The following PTPRF variants were observed in gnomAD, a reference collection of about 807,000 sequenced individuals.
The protein encoded by PTPRF is receptor-type tyrosine-protein phosphatase F.
A neutral mutation model predicts 201.8 loss-of-function variants in PTPRF; 59 were observed. The ratio of observed to expected loss-of-function variants is 0.29; its 90% CI spans 0.24 to 0.36. The LOEUF is 0.36. PTPRF is among the 10% of genes least tolerant of loss of function. The probability of loss-of-function intolerance (pLI) is 1.00; values close to 1 mark genes in which losing one functional copy is unlikely to be tolerated. For missense variants in PTPRF, 2,132 were observed against 2,690.5 expected, an observed-to-expected ratio of 0.79 and a Z score of 4.59; for synonymous variants, 1,088 against 1,089.7, an observed-to-expected ratio of 1.00 and a Z score of 0.03.
At chr1:43,529,961 A>T (rs996185573), upstream of PTPRF, among the ~76,000 whole-genome samples, 2 of 152,054 alleles carry the variant, frequency 1.3e-5, no homozygotes, top group African/African-American at 4.8e-5. Flanking sequence ...ATATTGGGGT[A>T]TTAGTCAGTC....
intron 7 of PTPRF, among the ~76,000 whole-genome samples, chr1:43,587,213 G>A (rs191411579): frequency 6.6e-6 from 1 of 152,328 alleles, no homozygotes; most frequent in East Asian, 1.9e-4. Context: ...TGTTAAACAG[G>A]GAGTGGCATC....
At chr1:43,561,236 G>A (rs1393716776) in intron 5 of PTPRF, among the ~76,000 whole-genome samples, 1 of 152,208 alleles carries the variant, frequency 6.6e-6, no homozygotes, top group Non-Finnish European at 1.5e-5. Flanking sequence ...GGCTGGAACT[G>A]GAGCAGAGCT....
intron 6 of PTPRF, chr1:43,575,824 T>G (rs1646888552): frequency 1.6e-6 from 2 of 1,216,722 alleles, no homozygotes; most frequent in Admixed American, 4.6e-5. Context: ...GTGTTTTATT[T>G]TACCTGATTT....
intron 8 of PTPRF, among the ~76,000 whole-genome samples, chr1:43,590,755 C>T (rs998605716): frequency 1.3e-5 from 2 of 152,244 alleles, no homozygotes; most frequent in Admixed American, 1.3e-4. Flanking sequence ...CTAAATGACC[C>T]AAGGCCCTGG....
intron 17 of PTPRF, 81 bp from the exon 18 acceptor site, chr1:43,605,109 G>T: frequency 6.3e-7 from 1 of 1,575,324 alleles, no homozygotes; most frequent in Middle Eastern, 1.8e-4. Context: ...GAATGTGGTT[G>T]TGTATCCGTG....
At chr1:43,534,923 C>T (rs1308067231) in intron 1 of PTPRF, among the ~76,000 whole-genome samples, 1 of 152,154 alleles carries the variant, frequency 6.6e-6, no homozygotes, top group Non-Finnish European at 1.5e-5. Context: ...AATAAAAACC[C>T]GTGCCTTATA....
intron 1 of PTPRF, among the ~76,000 whole-genome samples, chr1:43,531,943 C>T (rs1419107404): frequency 6.6e-6 from 1 of 152,224 alleles, no homozygotes; most frequent in African/African-American, 2.4e-5. Flanking sequence ...CCCAATCTCA[C>T]GCCCCTGCAA....
In PTPRF at chr1:43,591,851, C is replaced by G. The variant is rs1348588531; in HGVS notation, c.1571C>G (p.Ser524Trp). 6.2e-7 allele frequency: 1 copy of G among 1,613,422 alleles called. No individual in the cohort carries two copies. Among genetic ancestry groups the G allele is most frequent in the Non-Finnish European group, 8.5e-7 (1 of 1,180,010 alleles). Residue 524 changes from serine (S) to tryptophan (W), a missense_variant, in exon 10 of 34, where the codon TCG (serine) becomes TGG (tryptophan). Coordinates refer to ENST00000359947, the MANE Select transcript of PTPRF (RefSeq NM_002840.5). ...GCGGACTTCCAGGCCGAGGTGGAGT[C>G]GGACACCAGGATCCAGCTCTCGTGG... ...QPADFQAEVE[S>W]DTRIQLSWLL...
In PTPRF at chr1:43,620,987, C is replaced by T. The variant is rs1659075343; in HGVS notation, c.5514C>T (p.His1838=). The T allele has an allele frequency of 6.2e-7, 1 of 1,613,158 alleles. No individual in the cohort carries two copies. Among genetic ancestry groups the T allele is most frequent in the Non-Finnish European group, 8.5e-7 (1 of 1,179,390 alleles). The change falls in exon 32 of 34, where the codon CAC becomes CAT. Residue 1838 remains histidine (H), a synonymous_variant. Coordinates refer to ENST00000359947, the MANE Select transcript of PTPRF (RefSeq NM_002840.5). ...GACAGGATGGGCCTATCACGGTGCA[C>T]TGCAGGTGGGACTGGCCCCCTGGAG... The part of the protein sequence containing the change: ...QFGQDGPITV[H]CSAGVGRTGV...
intron 7 of PTPRF, among the ~76,000 whole-genome samples, chr1:43,581,035 G>A (rs1291526657): frequency 6.6e-6 from 1 of 152,364 alleles, no homozygotes; most frequent in African/African-American, 2.4e-5. Context: ...AGCCCTGGAG[G>A]CAGAGCAGTG....
chr1:43,556,317 A>G (rs1420616130), intron 5 of PTPRF, among the ~76,000 whole-genome samples: 3 of 152,088 alleles, frequency 2.0e-5, no homozygotes, highest in Non-Finnish European at 4.4e-5. Context: ...GCTGGAGTGC[A>G]GTGGTGAGAT....
At chr1:43,580,716 C>T (rs1219208132) in intron 7 of PTPRF, among the ~76,000 whole-genome samples, 1 of 152,252 alleles carries the variant, frequency 6.6e-6, no homozygotes, top group Non-Finnish European at 1.5e-5. Context: ...AAAGATCTGC[C>T]TCCTCCCACC....
chr1:43,614,841 G>A (rs1443920831), intron 23 of PTPRF, among the ~76,000 whole-genome samples: 1 of 148,866 alleles, frequency 6.7e-6, no homozygotes, highest in Non-Finnish European at 1.5e-5. Context: ...GACAGAGTGA[G>A]ACTCCCTCTC....
In PTPRF at chr1:43,542,472, G is replaced by A. The variant is rs1050547882; in HGVS notation, c.-45-2559G>A. Among the ~76,000 whole-genome samples, 5 of 152,112 alleles carry A rather than the reference G, an allele frequency of 3.3e-5. No homozygotes were observed. Among genetic ancestry groups the A allele is most frequent in the South Asian group, 2.1e-4 (1 of 4,828 alleles). On this transcript the variant is annotated intron_variant, in intron 2 of 33. Coordinates refer to ENST00000359947, the MANE Select transcript of PTPRF (RefSeq NM_002840.5). The surrounding 1 kb of genome is among the most constrained non-coding windows in gnomAD (Gnocchi z 5.2). ...CTGAGCACCCCAACCCAGATACACA[G>A]GGGGTTTCTGGAGGCCCCACGTTGG...
At chr1:43,597,656 C>T in intron 11 of PTPRF, 92 bp from the exon 12 acceptor site, 3 of 971,528 alleles carry the variant, frequency 3.1e-6, no homozygotes, top group Admixed American at 2.1e-5. Context: ...GGTAGCCTGC[C>T]CGGGTGAGTC....
At chr1:43,524,974 A>T (rs997775623), upstream of PTPRF, among the ~76,000 whole-genome samples, 8 of 152,130 alleles carry the variant, frequency 5.3e-5, no homozygotes, top group African/African-American at 1.4e-4. Flanking sequence ...CATCTGTCTG[A>T]CCTGTGGAGT....
In PTPRF at chr1:43,618,728, G is replaced by A; in HGVS notation, c.4470G>A (p.Val1490=). The change falls in exon 26 of 34, where the codon GTG becomes GTA. Residue 1490 remains valine (V), a synonymous_variant. Transcript: ENST00000359947. The stretch of plus-strand genomic sequence containing the variant: ...CAGTGGAGCTGGCCACATACACTGT[G>A]CGCACCTTCGCACTCCACAAGGTAT... ...LDTVELATYT[V]RTFALHKSGS... 1.2e-6 allele frequency: 2 copies of A among 1,609,578 alleles called. No individual in the cohort carries two copies. Among genetic ancestry groups the A allele is most frequent in the Non-Finnish European group, 8.5e-7 (1 of 1,176,276 alleles).
rs751268560 is a variant in PTPRF, at chr1:43,613,653, C to T, written c.4009C>T (p.Leu1337=). ...RDHPPIPITD[L]ADNIERLKAN... is the part of the protein sequence containing the mutation. ...CCACCCACCCATCCCCATCACCGACCTGGCGGACAACATCGAGCGCCTCAA... is the reference window on the plus strand; with the variant it reads ...CCACCCACCCATCCCCATCACCGACTTGGCGGACAACATCGAGCGCCTCAA... Residue 1337 remains leucine (L), a synonymous_variant, in exon 23 of 34, where the codon CTG becomes TTG. Coordinates refer to ENST00000359947, the MANE Select transcript of PTPRF (RefSeq NM_002840.5). The T allele has an allele frequency of 2.0e-5, 32 of 1,614,110 alleles. No individual in the cohort carries two copies. The highest frequency in any genetic ancestry group is 2.7e-5 in the Non-Finnish European group (32 of 1,180,024).
intron 5 of PTPRF, among the ~76,000 whole-genome samples, chr1:43,567,530 C>T (rs554137370): frequency 6.6e-6 from 1 of 152,314 alleles, no homozygotes; most frequent in Non-Finnish European, 1.5e-5. Flanking sequence ...TCCTATTGCT[C>T]TCTAGCCTGA....
Sources: allele counts gnomAD v4.1 joint callset (sites outside exome capture counted in the v4.1 genomes callset), GRCh38; gene constraint gnomAD v4.1.1; non-coding constraint Gnocchi (gnomAD v3.1); transcripts MANE v1.5; gene names NCBI Gene and HGNC (gene_info 2026-07-23, HGNC 2026-07-21).